The following AFAP1 variants were observed in gnomAD, a reference collection of about 807,000 sequenced individuals.
AFAP1 encodes actin filament associated protein 1.
A neutral mutation model predicts 93.9 loss-of-function variants in AFAP1; 75 were observed. The observed-to-expected ratio is 0.80, with a 90% CI of 0.66 to 0.97. AFAP1 has a LOEUF of 0.97. Ranked by LOEUF, AFAP1 falls within the 50% of genes least tolerant of loss-of-function variation. The pLI is 0.00. For synonymous variants in AFAP1, 517 were observed against 430.7 expected, an observed-to-expected ratio of 1.20 and a Z score of -2.48; for missense variants, 1,201 against 1,050.8, an observed-to-expected ratio of 1.14 and a Z score of -1.98.
chr4:7,838,346 C>T (rs1045238664), intron 6 of AFAP1, among the ~76,000 whole-genome samples, 178 bp downstream of exon 6: 4 of 152,168 alleles, frequency 2.6e-5, no homozygotes, highest in South Asian at 2.1e-4. Context: ...GTGAAAGTGA[C>T]GCGGGGTTTC....
intron 1 of AFAP1, among the ~76,000 whole-genome samples, chr4:7,896,081 G>A (rs28489592): frequency 0.46 from 68,978 of 151,494 alleles, 18,069 homozygotes; most frequent in Non-Finnish European, 0.61. Flanking sequence ...GGCTGGTCTC[G>A]AACTCCCGAC....
chr4:7,856,243 G>C (rs571377154), intron 3 of AFAP1, among the ~76,000 whole-genome samples: 3 of 146,360 alleles, frequency 2.0e-5, no homozygotes, highest in East Asian at 3.9e-4. Context: ...AACCAATCAT[G>C]TCACAATTTT....
chr4:7,863,573 C>T (rs926965174), intron 3 of AFAP1, among the ~76,000 whole-genome samples: 25 of 152,176 alleles, frequency 1.6e-4, no homozygotes, highest in South Asian at 6.2e-4. Context: ...ACATCCCACA[C>T]GTGTGACTTC....
rs1256673213 is a variant in AFAP1, at chr4:7,766,784, G to A, written c.2418+2060C>T. ...TGGCACACGGCCTGCCCAGATGAAG[G>A]GAAGGGAAATCTGACCTGGAGCTGT... On this transcript the variant is annotated intron_variant, in intron 17 of 17. Transcript: ENST00000420658. Among the ~76,000 whole-genome samples the A allele has an allele frequency of 1.6e-4, 25 of 152,160 alleles. 1 individual carries two copies. The highest frequency in any genetic ancestry group is 1.6e-3 in the Admixed American group (25 of 15,278).
At chr4:7,934,370 C>T (rs578006305) in intron 1 of AFAP1, among the ~76,000 whole-genome samples, 52 of 152,366 alleles carry the variant, frequency 3.4e-4, no homozygotes, top group Admixed American at 9.8e-4. Flanking sequence ...CAGCTCTCCA[C>T]GTGTGAGTCA....
At chr4:7,857,833 C>T (rs1007924854) in intron 3 of AFAP1, among the ~76,000 whole-genome samples, 1 of 152,138 alleles carries the variant, frequency 6.6e-6, no homozygotes, top group Non-Finnish European at 1.5e-5. Flanking sequence ...GACTCCTTTC[C>T]TCAGTGCCCC....
intron 1 of AFAP1, among the ~76,000 whole-genome samples, chr4:7,933,755 G>A (rs1161199497): frequency 6.6e-6 from 1 of 152,166 alleles, no homozygotes; most frequent in Non-Finnish European, 1.5e-5. Flanking sequence ...TGGCCAGCAA[G>A]GGGACACCTC....
chr4:7,821,954 T>C (rs962367369), intron 6 of AFAP1, among the ~76,000 whole-genome samples: 1 of 152,230 alleles, frequency 6.6e-6, no homozygotes, highest in African/African-American at 2.4e-5. Flanking sequence ...TCCTCTTTGC[T>C]AATGCCGAGG....
At chr4:7,928,877 A>T (rs1053836362) in intron 1 of AFAP1, among the ~76,000 whole-genome samples, 6 of 152,214 alleles carry the variant, frequency 3.9e-5, no homozygotes, top group Non-Finnish European at 5.9e-5. Context: ...GACTTCTCCA[A>T]GGTTCTGTAA....
chr4:7,921,533 A>G (rs1442514263), intron 1 of AFAP1, among the ~76,000 whole-genome samples: 1 of 152,106 alleles, frequency 6.6e-6, no homozygotes, highest in African/African-American at 2.4e-5. Context: ...ACATCTGAGA[A>G]GAAACTGTTG....
intron 12 of AFAP1, among the ~76,000 whole-genome samples, chr4:7,782,880 G>T (rs1157970420): frequency 6.6e-6 from 1 of 152,180 alleles, no homozygotes; most frequent in Non-Finnish European, 1.5e-5. Context: ...ACTCGGATAT[G>T]AGAGTTTCAT....
rs1047984750 is a variant in AFAP1 at position 7,892,015 on chromosome 4, T to C, written c.-2-19935A>G. Among the ~76,000 whole-genome samples the C allele has an allele frequency of 3.3e-5, 5 of 152,032 alleles. No homozygotes were observed. The East Asian group carries it at 5.8e-4, about 18-fold the overall frequency. Reference sequence around the variant, plus strand: ...GTTGCAGTAAGCCAAGAAGGTGCCATTGCACTCCAGCCTGGGCAGCAAGAA... The same window carrying C: ...GTTGCAGTAAGCCAAGAAGGTGCCACTGCACTCCAGCCTGGGCAGCAAGAA... On this transcript the variant is annotated intron_variant, in intron 1 of 17. Coordinates refer to ENST00000420658, the MANE Select transcript of AFAP1 (RefSeq NM_001134647.2).
chr4:7,929,725 T>C (rs1275881245), intron 1 of AFAP1, among the ~76,000 whole-genome samples: 2 of 152,200 alleles, frequency 1.3e-5, no homozygotes, highest in African/African-American at 4.8e-5. Context: ...GAATGCTGCC[T>C]TCTTCACCAC....
chr4:7,800,622 C>T lies in AFAP1; in HGVS notation c.1086G>A (p.Trp362Ter). The stretch of plus-strand genomic sequence containing the variant: ...CTTTCACTCGGCACCAGCGCTCTCG[C>T]CAGCGGCTGTTGGAGAGCACGTTCA... Reference protein sequence around the residue: ...GYLNVLSNSRWRERWCRVKDN... With the variant: ...GYLNVLSNSR Residue 362 changes from tryptophan (W) to a stop codon, truncating the protein, a stop_gained, in exon 10 of 18, where the codon TGG (tryptophan) becomes TGA (stop). Transcript: ENST00000420658. LOFTEE classifies it high-confidence loss of function. 6.2e-7 allele frequency: 1 copy of T among 1,614,234 alleles called. No individual in the cohort carries two copies. The highest frequency in any genetic ancestry group is 8.5e-7 in the Non-Finnish European group (1 of 1,180,034).
At chr4:7,835,504 C>T (rs1217041004) in intron 6 of AFAP1, among the ~76,000 whole-genome samples, 5 of 35,384 alleles carry the variant, frequency 1.4e-4, no homozygotes, top group Non-Finnish European at 1.7e-4. Flanking sequence ...CTGCGGGCTG[C>T]CTTAAGGTTA....
intron 5 of AFAP1, among the ~76,000 whole-genome samples, chr4:7,841,135 G>A (rs1057171903): frequency 6.6e-6 from 1 of 152,244 alleles, no homozygotes. Flanking sequence ...CAGCATGCAG[G>A]AGGTTTATGA....
At position 7,774,723 on chromosome 4, in the gene AFAP1, C is replaced by A. The variant is rs1326562611; in HGVS notation, c.2062+16G>T. 1.2e-6 allele frequency: 2 copies of A among 1,613,438 alleles called. No homozygotes were observed. Among genetic ancestry groups the A allele is most frequent in the African/African-American group, 1.3e-5 (1 of 75,000 alleles). The stretch of plus-strand genomic sequence containing the variant: ...TACAAACATGCACCCTGGGCAGTCA[C>A]CCACACCCTTCATACCGGCGTTCAC... On this transcript the variant is annotated intron_variant, in intron 15 of 17. Transcript: ENST00000420658.
intron 17 of AFAP1, 49 bp downstream of exon 17, chr4:7,768,795 T>G: frequency 6.7e-7 from 1 of 1,492,846 alleles, no homozygotes; most frequent in Non-Finnish European, 9.0e-7. Context: ...GCTGGGAGCT[T>G]AAAGTGCCTG....
At chr4:7,907,495 A>G (rs1016543885) in intron 1 of AFAP1, among the ~76,000 whole-genome samples, 6 of 152,234 alleles carry the variant, frequency 3.9e-5, no homozygotes, top group Non-Finnish European at 5.9e-5. Context: ...AGATTATGGA[A>G]GAAAATAGCC....
Sources: gnomAD v4.1 joint callset for allele counts (sites outside exome capture counted in the v4.1 genomes callset) on GRCh38, gnomAD v4.1.1 for gene constraint, MANE v1.5 for transcripts, NCBI Gene and HGNC (gene_info 2026-07-23, HGNC 2026-07-21) for gene names.